PEAK3: variants seen among roughly 807,000 people sequenced by gnomAD.
PEAK3 encodes protein PEAK3.
PEAK3 carries 15 observed loss-of-function variants against 13.3 expected under a neutral mutation model. That is an observed-to-expected ratio of 1.13 (90% CI 0.75 to 1.73). The LOEUF (loss-of-function observed/expected upper bound fraction) is 1.73. Among genes scored for constraint, PEAK3 ranks in the 40% most tolerant of loss-of-function variants. The pLI is 0.00. For missense variants in PEAK3, 739 were observed against 690.2 expected (o/e 1.07, Z -0.79); for synonymous variants, 347 against 341.9 (o/e 1.01, Z -0.17).
chr19:2,275,295 G>A lies in PEAK3; in HGVS notation c.*385C>T. The A allele has an allele frequency of 5.8e-6, 1 of 172,164 alleles. No homozygotes were observed. The highest frequency in any genetic ancestry group is 1.2e-5 in the Non-Finnish European group (1 of 81,406). The allele number at this position is 172,164 out of a possible 1,614,324, so 10.7% of individuals were successfully genotyped here. On this transcript the variant is annotated 3_prime_UTR_variant, in exon 4 of 4. Transcript: ENST00000342063. Reference sequence around the variant, plus strand: ...AGAGCCAGGAATGCCTCTGGTCCCGGCATTGGCCTCTCATGGAGACAATGA... The same window carrying A: ...AGAGCCAGGAATGCCTCTGGTCCCGACATTGGCCTCTCATGGAGACAATGA...
chr19:2,281,830 A>G (rs1183595476), intron 1 of PEAK3, among the ~76,000 whole-genome samples: 1 of 152,086 alleles, frequency 6.6e-6, no homozygotes, highest in African/African-American at 2.4e-5. Flanking sequence ...TCACCCATCA[A>G]TTTTCCAGGC....
chr19:2,278,606 G>T lies in PEAK3; in HGVS notation c.590C>A (p.Ala197Asp). The change falls in exon 3 of 4, where the codon GCC (alanine) becomes GAC (aspartate). Residue 197 changes from alanine (A) to aspartate (D), a missense_variant. By Grantham distance (126) the Ala-to-Asp change is moderately radical (BLOSUM62 -2). Transcript: ENST00000342063. ...YYRVVRAHED[A>D]WHILVAKVPK... ...CACCTTGGCGACCAGGATGTGCCAG[G>T]CGTCCTCGTGCGCGCGCACCACGCG... The T allele has an allele frequency of 6.7e-7, 1 of 1,486,112 alleles. No homozygotes were observed. The allele number at this position is 1,486,112 out of a possible 1,614,324, so 92.1% of individuals were successfully genotyped here.
At chr19:2,280,498 C>G (rs1247700090) in intron 2 of PEAK3, among the ~76,000 whole-genome samples, 1 of 151,952 alleles carries the variant, frequency 6.6e-6, no homozygotes, top group Non-Finnish European at 1.5e-5. Flanking sequence ...GCTCTTGACA[C>G]CATGTCCATC....
chr19:2,281,836 C>T (rs1233065472), intron 1 of PEAK3, among the ~76,000 whole-genome samples: 2 of 152,236 alleles, frequency 1.3e-5, no homozygotes, highest in African/African-American at 4.8e-5. Flanking sequence ...ATCAATTTTC[C>T]AGGCAGTGGG....
Position 2,275,962 on chromosome 19 carries a change from C to T in PEAK3, c.1140G>A (p.Gln380=). The change falls in exon 4 of 4, where the codon CAG becomes CAA. Residue 380 remains glutamine, a synonymous_variant. Coordinates refer to ENST00000342063, the MANE Select transcript of PEAK3 (RefSeq NM_198532.3). ...LAAGLELLAA[Q]LTRLRPSASR... ...ACGCCGAGGGCCGCAAGCGGGTCAG[C>T]TGTGCTGCCAGGAGCTCCAGGCCCG... is the stretch of plus-strand genomic sequence containing the variant. 7.1e-7 allele frequency: 1 copy of T among 1,413,038 alleles called. No individual in the cohort carries two copies. Among genetic ancestry groups the T allele is most frequent in the Non-Finnish European group, 9.2e-7 (1 of 1,090,780 alleles). 87.5% of individuals were successfully genotyped at this position (1,413,038 alleles called of 1,614,324 possible).
Position 2,275,548 on chromosome 19 carries a change from G to T in PEAK3, c.*132C>A. ...ACGGGAGGGGAGGCTCTGGAGTGGGGCATTGCTCTCTCTGCTGCGCTCCTG... is the reference window on the plus strand; with the variant it reads ...ACGGGAGGGGAGGCTCTGGAGTGGGTCATTGCTCTCTCTGCTGCGCTCCTG... On this transcript the variant is annotated 3_prime_UTR_variant, in exon 4 of 4. Coordinates refer to ENST00000342063, the MANE Select transcript of PEAK3 (RefSeq NM_198532.3). The T allele has an allele frequency of 2.5e-6, 2 of 791,764 alleles. No homozygotes were observed. The highest frequency in any genetic ancestry group is 4.3e-5 in the Admixed American group (1 of 23,216). 49.0% of individuals were successfully genotyped at this position (791,764 alleles called of 1,614,324 possible). A position where few individuals can be genotyped will look rare whatever the true frequency, so the allele number is the denominator to read the frequency against.
chr19:2,275,810 A>C lies in PEAK3; in HGVS notation c.1292T>G (p.Leu431Arg). ...GGCCCGCTCTGCTAGGCGCAGGACC[A>C]GCAGCCCGCGGCGCACCCGCAGCCA... ...GPWLRVRRGL[L>R]VLRLAERAAG... is the part of the protein sequence containing the mutation. The change falls in exon 4 of 4, where the codon CTG becomes CGG. Residue 431 changes from leucine (L) to arginine (R), a missense_variant. Physicochemically the swap from Leu to Arg is moderately radical, Grantham distance 102 (BLOSUM62 -2). Transcript: ENST00000342063. 6.5e-7 allele frequency: 1 copy of C among 1,539,084 alleles called. No individual in the cohort carries two copies. Among genetic ancestry groups the C allele is most frequent in the South Asian group, 1.2e-5 (1 of 82,352 alleles).
At chr19:2,280,064 T>TC (rs2025426217) in intron 2 of PEAK3, among the ~76,000 whole-genome samples, 1 of 124,840 alleles carries the variant, frequency 8.0e-6, no homozygotes, top group Non-Finnish European at 1.7e-5. Context: ...TTTTTTTTTT[T>TC]TTTTTTTTTT....
At position 2,278,637 on chromosome 19, in the gene PEAK3, A is replaced by G. The variant is rs1174652069; in HGVS notation, c.559T>C (p.Tyr187His). 1.3e-6 allele frequency: 2 copies of G among 1,503,294 alleles called. No homozygotes were observed. The highest frequency in any genetic ancestry group is 1.8e-6 in the Non-Finnish European group (2 of 1,125,774). The allele number at this position is 1,503,294 out of a possible 1,614,324, so 93.1% of individuals were successfully genotyped here. A position where few individuals can be genotyped will look rare whatever the true frequency, so the allele number is the denominator to read the frequency against. ...SPCAESGDALYYRVVRAHEDA... is the reference protein window; with the variant it reads ...SPCAESGDALHYRVVRAHEDA... ...TCGTGCGCGCGCACCACGCGGTAAT[A>G]CAGGGCGTCCCCGCTCTCTGCGCAG... is the stretch of plus-strand genomic sequence containing the variant. Residue 187 changes from tyrosine (Y) to histidine (H), a missense_variant, in exon 3 of 4, where the codon TAT becomes CAT. By Grantham distance (83) the Tyr-to-His change is moderately conservative (BLOSUM62 2). Coordinates refer to ENST00000342063, the MANE Select transcript of PEAK3 (RefSeq NM_198532.3).
chr19:2,281,023 G>T, intron 1 of PEAK3, 88 bp from the exon 2 acceptor site: 1 of 838,488 alleles, frequency 1.2e-6, no homozygotes, highest in Non-Finnish European at 1.8e-6. Flanking sequence ...GCTGGGGCCT[G>T]GGAGACCGTC....
At chr19:2,280,514 T>C (rs754669227) in intron 2 of PEAK3, among the ~76,000 whole-genome samples, 2 of 151,830 alleles carry the variant, frequency 1.3e-5, no homozygotes, top group Non-Finnish European at 2.9e-5. Context: ...CCATCTCATT[T>C]TTTTTGTTTT....
chr19:2,278,854 A>G lies in PEAK3; in HGVS notation c.342T>C (p.Phe114=). Residue 114 remains phenylalanine (F), a synonymous_variant, in exon 3 of 4, where the codon TTT becomes TTC. Transcript: ENST00000342063. ...GPACLPAELT[F]GPADAPLGLS... is the part of the protein sequence containing the mutation. ...GGCCCAGTGGGGCGTCAGCCGGGCC[A>G]AAGGTCAGCTCTGCAGGGAGACAGG... 3.1e-6 allele frequency: 5 copies of G among 1,597,978 alleles called. No homozygotes were observed. The highest frequency in any genetic ancestry group is 1.7e-4 in the Middle Eastern group (1 of 6,038).
chr19:2,279,588 G>A (rs2025422810), intron 2 of PEAK3, among the ~76,000 whole-genome samples: 1 of 151,722 alleles, frequency 6.6e-6, no homozygotes, highest in African/African-American at 2.4e-5. Flanking sequence ...CTTGAGAAGT[G>A]GAGCTTGCAG....
chr19:2,275,326 C>T lies in PEAK3; in HGVS notation c.*354G>A, dbSNP rs1599156625. 1 of 190,252 alleles carries T rather than the reference C, an allele frequency of 5.3e-6. No homozygotes were observed. Among genetic ancestry groups the T allele is most frequent in the Non-Finnish European group, 1.0e-5 (1 of 95,678 alleles). 11.8% of individuals were successfully genotyped at this position (190,252 alleles called of 1,614,324 possible). On this transcript the variant is annotated 3_prime_UTR_variant, in exon 4 of 4. Transcript: ENST00000342063. ...GCCTCTCATGGAGACAATGACAGAA[C>T]CCACGCGGAAGAGCGCCCTGGCTGC... is the stretch of plus-strand genomic sequence containing the variant.
chr19:2,278,879 G>A lies in PEAK3; in HGVS notation c.317C>T (p.Ala106Val). The A allele has an allele frequency of 1.3e-6, 2 of 1,597,688 alleles. No individual in the cohort carries two copies. Among genetic ancestry groups the A allele is most frequent in the Non-Finnish European group, 8.5e-7 (1 of 1,172,646 alleles). Reference protein sequence around the residue: ...VDKSQAAVGPACLPAELTFGP... With the variant: ...VDKSQAAVGPVCLPAELTFGP... ...AAAGGTCAGCTCTGCAGGGAGACAG[G>A]CTGGTCCCACTGCAGCCTGGCTCTT... The change falls in exon 3 of 4, where the codon GCC becomes GTC. Residue 106 changes from alanine to valine, a missense_variant. Physicochemically the swap from Ala to Val is moderately conservative, Grantham distance 64 (BLOSUM62 0). Transcript: ENST00000342063.
In PEAK3 at chr19:2,280,844, G is replaced by T; in HGVS notation, c.82+6C>A. ...GCAGCCCAGGGCTCCCTGGGGAGCTGCTTACCAAGGTTGCTATACGTGGGC... is the reference window on the plus strand; with the variant it reads ...GCAGCCCAGGGCTCCCTGGGGAGCTTCTTACCAAGGTTGCTATACGTGGGC... On this transcript the variant is annotated splice_donor_region_variant and intron_variant, in intron 2 of 3. Coordinates refer to ENST00000342063, the MANE Select transcript of PEAK3 (RefSeq NM_198532.3). The T allele has an allele frequency of 6.2e-7, 1 of 1,606,490 alleles. No individual in the cohort carries two copies. The highest frequency in any genetic ancestry group is 8.5e-7 in the Non-Finnish European group (1 of 1,176,680).
chr19:2,280,118 G>C (rs1441946176), intron 2 of PEAK3, among the ~76,000 whole-genome samples: 1 of 140,820 alleles, frequency 7.1e-6, no homozygotes, highest in Non-Finnish European at 1.5e-5. Context: ...GCTGGAGTGC[G>C]GTGGCTCAGT....
intron 3 of PEAK3, 90 bp from the exon 4 acceptor site, chr19:2,276,579 C>T (rs919229871): frequency 5.0e-5 from 58 of 1,154,414 alleles, no homozygotes; most frequent in East Asian, 2.1e-4. Flanking sequence ...AAGCCTCCCA[C>T]GCACACCCCC....
chr19:2,276,039 G>C lies in PEAK3; in HGVS notation c.1063C>G (p.Leu355Val). The part of the protein sequence containing the change: ...PGPHAPQLGS[L>V]LRALLSLAAP... ...GCAAGGCTGAGCAGCGCTCGGAGGA[G>C]GCTGCCCAGCTGCGGCGCGTGGGGG... Residue 355 changes from leucine to valine, a missense_variant, in exon 4 of 4, where the codon CTC (leucine) becomes GTC (valine). Transcript: ENST00000342063. 7.0e-7 allele frequency: 1 copy of C among 1,438,422 alleles called. No homozygotes were observed. Among genetic ancestry groups the C allele is most frequent in the Non-Finnish European group, 9.1e-7 (1 of 1,099,300 alleles). 89.1% of individuals were successfully genotyped at this position (1,438,422 alleles called of 1,614,324 possible). A position where few individuals can be genotyped will look rare whatever the true frequency, so the allele number is the denominator to read the frequency against.
Sources: allele counts gnomAD v4.1 joint callset (sites outside exome capture counted in the v4.1 genomes callset), GRCh38; gene constraint gnomAD v4.1.1; transcripts MANE v1.5; gene names NCBI Gene and HGNC (gene_info 2026-07-23, HGNC 2026-07-21).